ASTN1: variants seen among roughly 807,000 people sequenced by gnomAD.
ASTN1 encodes astrotactin-1.
ASTN1 carries 41 observed loss-of-function variants against 140.7 expected under a neutral mutation model. The ratio of observed to expected loss-of-function variants is 0.29; its 90% CI spans 0.23 to 0.38. The LOEUF (loss-of-function observed/expected upper bound fraction) is 0.38. Among genes scored for constraint, ASTN1 ranks in the 10% least tolerant of loss-of-function variants. ASTN1 has a pLI of 1.00. For synonymous variants in ASTN1, 640 were observed against 652.2 expected (o/e 0.98, Z 0.29); for missense variants, 1,479 against 1,678.8 (o/e 0.88, Z 2.08).
chr1:177,105,021 C>T (rs182756805), intron 1 of ASTN1, among the ~76,000 whole-genome samples: 1 of 152,222 alleles, frequency 6.6e-6, no homozygotes, highest in African/African-American at 2.4e-5. Context: ...TAATAGACAG[C>T]GTGGAGACTC....
intron 1 of ASTN1, among the ~76,000 whole-genome samples, chr1:177,110,432 C>T (rs541525171): frequency 2.6e-4 from 39 of 152,216 alleles, no homozygotes; most frequent in African/African-American, 2.9e-4. Flanking sequence ...GAATCTGAAG[C>T]GGCCAGTGAG....
chr1:177,001,286 C>T lies in ASTN1; in HGVS notation c.1523+13505G>A, dbSNP rs572659044. Among the ~76,000 whole-genome samples the T allele has an allele frequency of 8.5e-5, 13 of 152,266 alleles. No individual in the cohort carries two copies. In the South Asian group the frequency reaches 1.4e-3, roughly 17 times the overall value. ...GAATTTACATTCTAGAAGTAGGTTACTCTAAACTCAAATGCCAAATTGACA... is the reference window on the plus strand; with the variant it reads ...GAATTTACATTCTAGAAGTAGGTTATTCTAAACTCAAATGCCAAATTGACA... On this transcript the variant is annotated intron_variant, in intron 8 of 22. Coordinates refer to ENST00000361833, the MANE Select transcript of ASTN1 (RefSeq NM_004319.3).
rs1298896128 is a variant in ASTN1 at position 176,883,137 on chromosome 1, TG to T, written c.3227-144del. 7.2e-5 allele frequency: 86 copies of T among 1,201,304 alleles called. 1 individual carries two copies. Among genetic ancestry groups the T allele is most frequent in the Non-Finnish European group, 9.4e-5 (81 of 866,024 alleles). The allele number at this position is 1,201,304 out of a possible 1,614,324, so 74.4% of individuals were successfully genotyped here. A position where few individuals can be genotyped will look rare whatever the true frequency, so the allele number is the denominator to read the frequency against. ...AGTAGAGAAGGAGACTTAGAAGGAA[TG>T]GCCTTTTCTATTTCATATTTAACCA... On this transcript the variant is annotated intron_variant, in intron 19 of 22. Coordinates refer to ENST00000361833, the MANE Select transcript of ASTN1 (RefSeq NM_004319.3).
intron 22 of ASTN1, 24 bp downstream of exon 22, chr1:176,868,820 G>A (rs757114724): frequency 6.4e-7 from 1 of 1,574,178 alleles, no homozygotes; most frequent in Non-Finnish European, 8.6e-7. Context: ...GTCTTTAAAA[G>A]GGTTGACTTA....
At chr1:176,918,804 A>C (rs1210116151) in intron 16 of ASTN1, among the ~76,000 whole-genome samples, 1 of 152,180 alleles carries the variant, frequency 6.6e-6, no homozygotes, top group African/African-American at 2.4e-5. Flanking sequence ...CTTCCTACTC[A>C]GTAGCCTAGC....
chr1:177,029,582 C>A, intron 5 of ASTN1, 52 bp downstream of exon 5: 1 of 1,567,386 alleles, frequency 6.4e-7, no homozygotes. Flanking sequence ...CTTCCCCCGC[C>A]TCCCTCACTC....
chr1:177,011,744 A>C (rs1406279208), intron 8 of ASTN1, among the ~76,000 whole-genome samples: 1 of 151,366 alleles, frequency 6.6e-6, no homozygotes, highest in Admixed American at 6.6e-5. Flanking sequence ...CACACACACA[A>C]ACACACACAC....
intron 1 of ASTN1, among the ~76,000 whole-genome samples, chr1:177,095,039 T>C (rs1161074260): frequency 6.6e-6 from 1 of 152,210 alleles, no homozygotes; most frequent in Non-Finnish European, 1.5e-5. Context: ...TTAATTGTGT[T>C]CGTGTCCCAG....
intron 1 of ASTN1, among the ~76,000 whole-genome samples, chr1:177,108,347 C>CAAAA (rs71129596): frequency 4.2e-4 from 41 of 98,526 alleles, no homozygotes; most frequent in Non-Finnish European, 5.9e-4. Flanking sequence ...GACTCCGTCT[C>CAAAA]AAAAAAAAAA....
chr1:177,015,129 A>G (rs747065282), intron 7 of ASTN1, among the ~76,000 whole-genome samples: 50 of 152,332 alleles, frequency 3.3e-4, no homozygotes, highest in Non-Finnish European at 6.2e-4. Context: ...GAAAGCATCT[A>G]TTATATATGT....
rs113117772 is a variant in ASTN1, at chr1:177,151,710, C to T, written c.283+12684G>A. Among the ~76,000 whole-genome samples the T allele has an allele frequency of 2.4e-3, 372 of 152,234 alleles. 1 individual carries two copies. Among genetic ancestry groups the T allele is most frequent in the African/African-American group, 8.1e-3 (336 of 41,532 alleles). ...TCTTTATTCCAGAAAAGAAAAAGTT[C>T]ATCTCTATGCCACTTACAAGACCTT... On this transcript the variant is annotated intron_variant, in intron 1 of 22. Coordinates refer to ENST00000361833, the MANE Select transcript of ASTN1 (RefSeq NM_004319.3).
intron 16 of ASTN1, among the ~76,000 whole-genome samples, chr1:176,929,992 A>G (rs1671138505): frequency 6.6e-6 from 1 of 152,164 alleles, no homozygotes; most frequent in Non-Finnish European, 1.5e-5. Context: ...TGGGCAACAG[A>G]GCAAGACTCC....
At chr1:177,099,974 A>C (rs1680221592) in intron 1 of ASTN1, among the ~76,000 whole-genome samples, 1 of 152,346 alleles carries the variant, frequency 6.6e-6, no homozygotes, top group African/African-American at 2.4e-5. Context: ...CTTACACGTC[A>C]GGGAACCCAA....
intron 14 of ASTN1, among the ~76,000 whole-genome samples, chr1:176,941,475 T>A (rs2103103160): frequency 6.6e-6 from 1 of 152,282 alleles, no homozygotes; most frequent in East Asian, 1.9e-4. Context: ...AAAATAAAAG[T>A]GTCCCATCTG....
At chr1:177,027,983 C>A (rs185692141) in intron 5 of ASTN1, among the ~76,000 whole-genome samples, 1 of 152,022 alleles carries the variant, frequency 6.6e-6, no homozygotes, top group Non-Finnish European at 1.5e-5. Flanking sequence ...GTTTTTGCTG[C>A]ACTGATGGAT....
At position 176,970,555 on chromosome 1, in the gene ASTN1, ATAGGTAGGTAGGTAGG is replaced by A. The variant is rs35499067; in HGVS notation, c.1524-5334_1524-5319del. 1.8e-3 allele frequency among the ~76,000 whole-genome samples: 274 copies of A among 150,930 alleles called. 1 individual carries two copies. The Middle Eastern group carries it at 0.034, about 19-fold the overall frequency. ...CCAGGGAAAGGGAGAAGAAATAGAG[ATAGGTAGGTAGGTAGG>A]TAGGTAGGTAGGTAGGTAGATAGAT... On this transcript the variant is annotated intron_variant, in intron 8 of 22. Coordinates refer to ENST00000361833, the MANE Select transcript of ASTN1 (RefSeq NM_004319.3).
At chr1:177,141,820 A>G (rs1682484024) in intron 1 of ASTN1, among the ~76,000 whole-genome samples, 2 of 152,338 alleles carry the variant, frequency 1.3e-5, no homozygotes, top group African/African-American at 2.4e-5. Flanking sequence ...AACTCCAACA[A>G]TAAGTATTTT....
At chr1:177,161,739 T>C (rs1647384031) in intron 1 of ASTN1, among the ~76,000 whole-genome samples, 1 of 152,078 alleles carries the variant, frequency 6.6e-6, no homozygotes, top group Admixed American at 6.5e-5. Context: ...AAAGCTTGTT[T>C]TTCTTGTTGT....
rs565293706 is a variant in ASTN1 at position 176,973,531 on chromosome 1, C to T, written c.1524-8294G>A. On this transcript the variant is annotated intron_variant, in intron 8 of 22. Coordinates refer to ENST00000361833, the MANE Select transcript of ASTN1 (RefSeq NM_004319.3). ...ATTACTTTCATTTAAAATCCCTGAC[C>T]GCTAACCTCAAGTGGGCTCTTGAAT... 1.1e-4 allele frequency among the ~76,000 whole-genome samples: 16 copies of T among 152,248 alleles called. No homozygotes were observed. The East Asian group carries it at 1.9e-3, about 18-fold the overall frequency.
Sources: gnomAD v4.1 joint callset for allele counts (sites outside exome capture counted in the v4.1 genomes callset) on GRCh38, gnomAD v4.1.1 for gene constraint, MANE v1.5 for transcripts, NCBI Gene and HGNC (gene_info 2026-07-23, HGNC 2026-07-21) for gene names.